Variants in SPAG16 observed in about 807,000 individuals in gnomAD.
SPAG16 encodes the protein sperm associated antigen 16, also known as sperm-associated antigen 16 protein.
SPAG16 carries 86 observed loss-of-function variants against 80.4 expected under a neutral mutation model. The observed-to-expected ratio is 1.07, with a 90% CI of 0.90 to 1.28. The LOEUF is 1.28. SPAG16 is among the 50% of genes most tolerant of loss of function. The probability of loss-of-function intolerance (pLI) is 0.00; values close to 1 mark genes in which losing one functional copy is unlikely to be tolerated. For missense variants in SPAG16, 870 were observed against 765.3 expected, an observed-to-expected ratio of 1.14 and a Z score of -1.61; for synonymous variants, 294 against 265.9, an observed-to-expected ratio of 1.11 and a Z score of -1.03.
intron 14 of SPAG16, among the ~76,000 whole-genome samples, chr2:214,148,439 TTCCCC>T (rs2055772106): frequency 6.6e-6 from 1 of 152,136 alleles, no homozygotes; most frequent in Non-Finnish European, 1.5e-5. Context: ...TCTGTTTTCC[TTCCCC>T]TTTATCCAAT....
At chr2:214,182,543 G>A (rs2125674587) in intron 15 of SPAG16, among the ~76,000 whole-genome samples, 1 of 151,918 alleles carries the variant, frequency 6.6e-6, no homozygotes, top group South Asian at 2.1e-4. Context: ...TTTTATAATA[G>A]GGATGAAAAG....
intron 9 of SPAG16, among the ~76,000 whole-genome samples, chr2:213,437,874 G>A (rs536515753): frequency 1.3e-5 from 2 of 152,124 alleles, no homozygotes; most frequent in Admixed American, 6.5e-5. Context: ...TAGCTCTGTC[G>A]CTCTTAAACT....
chr2:214,125,450 G>A (rs868587798), intron 14 of SPAG16, among the ~76,000 whole-genome samples: 16 of 151,566 alleles, frequency 1.1e-4, no homozygotes, highest in Admixed American at 2.7e-4. Flanking sequence ...TTGTAACTTC[G>A]CCCTCTCCAG....
intron 10 of SPAG16, among the ~76,000 whole-genome samples, chr2:213,690,485 T>A (rs2064896683): frequency 6.6e-6 from 1 of 152,194 alleles, no homozygotes; most frequent in Non-Finnish European, 1.5e-5. Context: ...TAATATTAGG[T>A]GTCAACTTGA....
chr2:214,123,453 T>A (rs1437817252), intron 14 of SPAG16, among the ~76,000 whole-genome samples: 1 of 152,072 alleles, frequency 6.6e-6, no homozygotes, highest in Admixed American at 6.6e-5. Context: ...CTTTAAAACC[T>A]TTTGGCATAT....
At chr2:214,099,780 T>TA (rs1323504503) in intron 13 of SPAG16, among the ~76,000 whole-genome samples, 3 of 152,066 alleles carry the variant, frequency 2.0e-5, no homozygotes, top group Non-Finnish European at 2.9e-5. Context: ...ATATAGTTAA[T>TA]AAAAATTGTA....
intron 9 of SPAG16, among the ~76,000 whole-genome samples, chr2:213,410,995 G>T (rs1559105524): frequency 6.6e-6 from 1 of 152,192 alleles, no homozygotes; most frequent in Non-Finnish European, 1.5e-5. Flanking sequence ...GTGTTCCTTA[G>T]AGACCTGAAG....
At chr2:214,183,815 C>A (rs183082170) in intron 15 of SPAG16, among the ~76,000 whole-genome samples, 2 of 151,966 alleles carry the variant, frequency 1.3e-5, no homozygotes, top group African/African-American at 4.8e-5. Context: ...CAATGAAAGG[C>A]TTCACCGAAG....
At chr2:213,629,405 C>A (rs185115690) in intron 10 of SPAG16, among the ~76,000 whole-genome samples, 29 of 152,270 alleles carry the variant, frequency 1.9e-4, no homozygotes, top group African/African-American at 6.7e-4. Context: ...TAGTGAAATT[C>A]AATATATATT....
chr2:214,024,428 T>C (rs1224722744), intron 13 of SPAG16, among the ~76,000 whole-genome samples: 1 of 151,668 alleles, frequency 6.6e-6, no homozygotes, highest in Non-Finnish European at 1.5e-5. Flanking sequence ...TAATTCCTTT[T>C]GTATTCCTTA....
intron 10 of SPAG16, among the ~76,000 whole-genome samples, chr2:213,804,352 G>C (rs2071606809): frequency 6.6e-6 from 1 of 152,144 alleles, no homozygotes; most frequent in Non-Finnish European, 1.5e-5. Context: ...TCTGACTAAG[G>C]ATGGGCAAGG....
chr2:214,191,602 T>C (rs2057665299), intron 15 of SPAG16, among the ~76,000 whole-genome samples: 1 of 149,962 alleles, frequency 6.7e-6, no homozygotes, highest in Middle Eastern at 3.2e-3. Flanking sequence ...TAATCACAGC[T>C]AGGTGGGAGG....
intron 7 of SPAG16, among the ~76,000 whole-genome samples, chr2:213,356,305 T>G (rs1267471056): frequency 1.3e-5 from 2 of 152,202 alleles, no homozygotes; most frequent in African/African-American, 4.8e-5. Flanking sequence ...TTGATTGGAA[T>G]AGTTTCAGAA....
intron 11 of SPAG16, among the ~76,000 whole-genome samples, chr2:213,883,056 C>G (rs968296550): frequency 6.6e-6 from 1 of 151,868 alleles, no homozygotes; most frequent in Admixed American, 6.6e-5. Context: ...TTAGTAGAGA[C>G]GGGGTTTCAC....
At chr2:213,295,439 G>T (rs2062460982) in intron 1 of SPAG16, among the ~76,000 whole-genome samples, 2 of 151,834 alleles carry the variant, frequency 1.3e-5, no homozygotes. Context: ...TTTGAATTAT[G>T]ATTGCTATAT....
At chr2:213,552,823 T>C (rs947293969) in intron 10 of SPAG16, among the ~76,000 whole-genome samples, 7 of 152,172 alleles carry the variant, frequency 4.6e-5, no homozygotes, top group African/African-American at 1.7e-4. Context: ...CAGAGGAACG[T>C]GGAAGGACTA....
chr2:213,779,473 C>T (rs1430632128), intron 10 of SPAG16, among the ~76,000 whole-genome samples: 2 of 152,110 alleles, frequency 1.3e-5, no homozygotes, highest in Admixed American at 6.6e-5. Flanking sequence ...CAGTTCTGCC[C>T]TCTTCTATAT....
intron 10 of SPAG16, among the ~76,000 whole-genome samples, chr2:213,797,357 G>C (rs2071108426): frequency 6.6e-6 from 1 of 152,082 alleles, no homozygotes; most frequent in Non-Finnish European, 1.5e-5. Context: ...GTCTCACCCA[G>C]GGCAACTTAC....
chr2:214,268,565 G>A (rs888514821), intron 15 of SPAG16, among the ~76,000 whole-genome samples: 5 of 151,904 alleles, frequency 3.3e-5, no homozygotes, highest in African/African-American at 4.8e-5. Context: ...GGAAAATTAT[G>A]TAGGACCAAC....
Sources: gnomAD v4.1 joint callset for allele counts (sites outside exome capture counted in the v4.1 genomes callset) on GRCh38, gnomAD v4.1.1 for gene constraint, MANE v1.5 for transcripts, NCBI Gene and HGNC (gene_info 2026-07-23, HGNC 2026-07-21) for gene names.